PDE1C: variants seen among roughly 807,000 people sequenced by gnomAD.
PDE1C encodes the protein phosphodiesterase 1C.
PDE1C carries 62 observed loss-of-function variants against 93.1 expected under a neutral mutation model. That is an observed-to-expected ratio of 0.67 (90% CI 0.54 to 0.82). PDE1C has a LOEUF of 0.82. Ranked by LOEUF, PDE1C falls within the 40% of genes least tolerant of loss-of-function variation. The probability of loss-of-function intolerance (pLI) is 0.00; values close to 1 mark genes in which losing one functional copy is unlikely to be tolerated. For missense variants in PDE1C, 742 were observed against 884.6 expected, an observed-to-expected ratio of 0.84 and a Z score of 2.04; for synonymous variants, 325 against 310.1, an observed-to-expected ratio of 1.05 and a Z score of -0.50.
intron 17 of PDE1C, among the ~76,000 whole-genome samples, chr7:31,770,619 C>T (rs1415582678): frequency 6.6e-6 from 1 of 152,120 alleles, no homozygotes; most frequent in Non-Finnish European, 1.5e-5. Context: ...TCAAGTGTTT[C>T]TCCTGCCTCA....
At chr7:31,884,095 A>G (rs1286069541) in intron 2 of PDE1C, among the ~76,000 whole-genome samples, 1 of 152,246 alleles carries the variant, frequency 6.6e-6, no homozygotes, top group African/African-American at 2.4e-5. Context: ...GATGAGCAGA[A>G]GATTCAATCA....
the PDE1C span, chr7:31,696,815 T>C: frequency 5.9e-6 from 5 of 840,926 alleles, no homozygotes; most frequent in South Asian, 2.3e-5. Context: ...TAAATACTAA[T>C]GCTTCTTATG....
At chr7:32,355,525 C>T (rs1216201042) in intron 1 of PDE1C, among the ~76,000 whole-genome samples, 2 of 139,748 alleles carry the variant, frequency 1.4e-5, no homozygotes, top group Non-Finnish European at 3.2e-5. Flanking sequence ...TCAAATCTTT[C>T]TCCGTTTCTG....
At chr7:32,102,948 A>G (rs1314890848) in intron 3 of PDE1C, among the ~76,000 whole-genome samples, 1 of 152,180 alleles carries the variant, frequency 6.6e-6, no homozygotes, top group Non-Finnish European at 1.5e-5. Flanking sequence ...TTAGGAGTGC[A>G]TGACAACCCA....
chr7:32,015,227 T>G (rs1787725034), intron 2 of PDE1C, among the ~76,000 whole-genome samples: 1 of 152,040 alleles, frequency 6.6e-6, no homozygotes, highest in Non-Finnish European at 1.5e-5. Context: ...CTCAGGAAGT[T>G]CTTTACAGCA....
At chr7:32,151,330 T>G (rs1215667021) in intron 3 of PDE1C, among the ~76,000 whole-genome samples, 1 of 152,212 alleles carries the variant, frequency 6.6e-6, no homozygotes, top group African/African-American at 2.4e-5. Context: ...AGTTATTTAT[T>G]GCCCAGAACT....
intron 2 of PDE1C, among the ~76,000 whole-genome samples, chr7:32,202,205 C>T (rs780164059): frequency 2.0e-5 from 3 of 152,152 alleles, no homozygotes; most frequent in Non-Finnish European, 4.4e-5. Context: ...TCAGCCAGTC[C>T]ACTGGTGGAC....
At chr7:31,965,193 G>A (rs1411281766) in intron 2 of PDE1C, among the ~76,000 whole-genome samples, 1 of 149,096 alleles carries the variant, frequency 6.7e-6, no homozygotes, top group Non-Finnish European at 1.5e-5. Context: ...CAATGGCAAA[G>A]AAGTTAAAAA....
At chr7:31,923,616 TG>T (rs1802929078) in intron 2 of PDE1C, among the ~76,000 whole-genome samples, 1 of 152,230 alleles carries the variant, frequency 6.6e-6, no homozygotes, top group South Asian at 2.1e-4. Flanking sequence ...TGTTTATGTC[TG>T]TGTCTGACAA....
chr7:31,642,985 C>T, the PDE1C span: 1 of 1,614,040 alleles, frequency 6.2e-7, no homozygotes, highest in Non-Finnish European at 8.5e-7. Context: ...GAAAGACAGC[C>T]ATCTGTGGCA....
chr7:31,635,912 CACACAT>C, the PDE1C span, among the ~76,000 whole-genome samples: 3 of 152,066 alleles, frequency 2.0e-5, no homozygotes, highest in Non-Finnish European at 4.4e-5. Context: ...GCACATCCTG[CACACAT>C]ACCCTGGAAC....
chr7:31,707,259 G>A, the PDE1C span: 23 of 1,613,868 alleles, frequency 1.4e-5, no homozygotes, highest in African/African-American at 6.7e-5. Context: ...ATGACGAAAA[G>A]GATGGTGACA....
intron 1 of PDE1C, among the ~76,000 whole-genome samples, chr7:32,060,406 C>T (rs925104758): frequency 1.3e-5 from 2 of 152,190 alleles, no homozygotes; most frequent in Non-Finnish European, 2.9e-5. Flanking sequence ...AGTGCCATGG[C>T]TCCTTGGGAG....
At chr7:31,630,027 A>C in the PDE1C span, among the ~76,000 whole-genome samples, 2 of 152,164 alleles carry the variant, frequency 1.3e-5, no homozygotes, top group Non-Finnish European at 2.9e-5. Flanking sequence ...AAAATCCTAG[A>C]TTATATCATA....
chr7:31,775,686 G>A lies in PDE1C; in HGVS notation c.1938C>T (p.Ser646=). Residue 646 remains serine (S), a synonymous_variant, in exon 17 of 18, where the codon TCC becomes TCT. Transcript: ENST00000396191. ...SHGSPAPSTS[S]TCRLTLPVIK... ...CACCTGGCAACGTAAGGCGACACGT[G>A]GAGCTGGTGCTTGGGGCTGGTGAGC... The A allele has an allele frequency of 6.2e-7, 1 of 1,612,856 alleles. No homozygotes were observed. The highest frequency in any genetic ancestry group is 8.5e-7 in the Non-Finnish European group (1 of 1,179,840).
intron 17 of PDE1C, among the ~76,000 whole-genome samples, chr7:31,770,185 T>C (rs1048588546): frequency 7.9e-5 from 12 of 152,244 alleles, no homozygotes; most frequent in Non-Finnish European, 1.5e-4. Flanking sequence ...CTTTTTCATA[T>C]GTCATTTGTA....
intron 2 of PDE1C, among the ~76,000 whole-genome samples, chr7:31,883,696 T>A (rs1220124447): frequency 6.6e-6 from 1 of 152,202 alleles, no homozygotes; most frequent in African/African-American, 2.4e-5. Flanking sequence ...TATCACCTTG[T>A]GATCAGGGGG....
At chr7:31,851,101 T>TAA (rs11389801) in intron 7 of PDE1C, among the ~76,000 whole-genome samples, 10 of 150,342 alleles carry the variant, frequency 6.7e-5, no homozygotes, top group Non-Finnish European at 1.2e-4. Flanking sequence ...CACACACACA[T>TAA]AAAAAAATTA....
intron 2 of PDE1C, among the ~76,000 whole-genome samples, chr7:31,919,573 C>T (rs980593042): frequency 1.3e-5 from 2 of 152,076 alleles, no homozygotes; most frequent in Non-Finnish European, 2.9e-5. Flanking sequence ...CTCAAGCCAC[C>T]ATTTTAAACT....
Sources: gnomAD v4.1 joint callset for allele counts (sites outside exome capture counted in the v4.1 genomes callset) on GRCh38, gnomAD v4.1.1 for gene constraint, MANE v1.5 for transcripts, NCBI Gene and HGNC (gene_info 2026-07-23, HGNC 2026-07-21) for gene names.